Variants in RNF213 observed in about 807,000 individuals in gnomAD.
RNF213 encodes E3 ubiquitin-protein ligase RNF213.
In RNF213, 341 loss-of-function variants were observed where a neutral mutation model predicts 514.4. That is an observed-to-expected ratio of 0.66 (90% CI 0.61 to 0.73). The LOEUF (loss-of-function observed/expected upper bound fraction) is 0.73. Among genes scored for constraint, RNF213 ranks in the 30% least tolerant of loss-of-function variants. The probability of loss-of-function intolerance (pLI) is 0.00; values close to 1 mark genes in which losing one functional copy is unlikely to be tolerated. For synonymous variants in RNF213, 2,655 were observed against 2,658.2 expected (o/e 1.00, Z 0.04); for missense variants, 5,767 against 6,615.6 (o/e 0.87, Z 4.45).
At chr17:80,315,656 TG>T (rs1302178473) in intron 15 of RNF213, 1 of 144,734 alleles carries the variant, frequency 6.9e-6, no homozygotes, top group African/African-American at 2.8e-5. Flanking sequence ...ATGGAGGTGA[TG>T]GTGGTGGTAC....
chr17:80,366,005 C>A (rs1465317281), intron 42 of RNF213, among the ~76,000 whole-genome samples: 11 of 152,256 alleles, frequency 7.2e-5, no homozygotes, highest in Admixed American at 6.5e-4. Flanking sequence ...CCAGTCAGAT[C>A]TCTGTGCAGG....
At chr17:80,271,024 C>T (rs146573135) in intron 2 of RNF213, among the ~76,000 whole-genome samples, 7 of 152,212 alleles carry the variant, frequency 4.6e-5, no homozygotes, top group African/African-American at 1.4e-4. Context: ...CTGGTTGGCC[C>T]TTCCCTTAGT....
intron 17 of RNF213, chr17:80,320,694 A>G (rs532182534): frequency 2.6e-5 from 4 of 152,194 alleles, no homozygotes; most frequent in African/African-American, 9.6e-5. Flanking sequence ...CCGGCCGAGC[A>G]TAATGTTTTG....
chr17:80,362,097 G>A (rs983849824), intron 39 of RNF213, among the ~76,000 whole-genome samples: 2 of 152,172 alleles, frequency 1.3e-5, no homozygotes, highest in African/African-American at 2.4e-5. Context: ...CCGCCCAGGG[G>A]CTCCTAAAAC....
chr17:80,385,567 A>G lies in RNF213; in HGVS notation c.14485A>G (p.Ile4829Val), dbSNP rs756748119. The G allele has an allele frequency of 6.2e-7, 1 of 1,614,184 alleles. No homozygotes were observed. Among genetic ancestry groups the G allele is most frequent in the South Asian group, 1.1e-5 (1 of 91,080 alleles). ...DGLRQLLHNR[I>V]TVFLSTWNKL... ...GTTGAGGCAGCTGCTTCACAACAGGATCACAGTCTTTCTGTCCACATGGAA... is the reference window on the plus strand; with the variant it reads ...GTTGAGGCAGCTGCTTCACAACAGGGTCACAGTCTTTCTGTCCACATGGAA... The change falls in exon 61 of 68, where the codon ATC becomes GTC. Residue 4829 changes from isoleucine to valine, a missense_variant. Ile to Val is a conservative substitution (Grantham distance 29). Transcript: ENST00000582970.
rs1168995910 is a variant in RNF213 at position 80,298,441 on chromosome 17, C to T, written c.2133C>T (p.Ala711=). Residue 711 remains alanine (A), a synonymous_variant, in exon 11 of 68, where the codon GCC becomes GCT. Coordinates refer to ENST00000582970, the MANE Select transcript of RNF213 (RefSeq NM_001256071.3). ...CMELAPRHKD[A]WRQPEDTWAA... ...AGCTGGCCCCGCGGCACAAGGATGCCTGGAGACAGCCTGAGGACACCTGGG... is the reference window on the plus strand; with the variant it reads ...AGCTGGCCCCGCGGCACAAGGATGCTTGGAGACAGCCTGAGGACACCTGGG... The T allele has an allele frequency of 6.2e-7, 1 of 1,614,198 alleles. No homozygotes were observed. Among genetic ancestry groups the T allele is most frequent in the Non-Finnish European group, 8.5e-7 (1 of 1,180,042 alleles).
chr17:80,330,097 C>T (rs2046373285), intron 20 of RNF213, among the ~76,000 whole-genome samples: 1 of 152,108 alleles, frequency 6.6e-6, no homozygotes, highest in African/African-American at 2.4e-5. Context: ...GTTTTCATGT[C>T]AGCTTTCGTA....
intron 17 of RNF213, chr17:80,320,062 A>T: frequency 1.0e-6 from 1 of 993,216 alleles, no homozygotes; most frequent in Non-Finnish European, 1.2e-6. Flanking sequence ...ATCTGTCAAA[A>T]GTTCCAGTTC....
rs1187986575 is a variant in RNF213 at position 80,343,558 on chromosome 17, C to G, written c.6183+233C>G. Reference sequence around the variant, plus strand: ...ACGTAGAGCCCACTGCACACACAGGCTTTATGGTACACACTGTCGCTCCTA... The same window carrying G: ...ACGTAGAGCCCACTGCACACACAGGGTTTATGGTACACACTGTCGCTCCTA... On this transcript the variant is annotated intron_variant, in intron 27 of 67. Coordinates refer to ENST00000582970, the MANE Select transcript of RNF213 (RefSeq NM_001256071.3). This position sits in a 1 kb window ranked among gnomAD's most constrained non-coding sequence, Gnocchi z 4.3. Among the ~76,000 whole-genome samples the G allele has an allele frequency of 6.6e-6, 1 of 152,214 alleles. No individual in the cohort carries two copies. Among genetic ancestry groups the G allele is most frequent in the African/African-American group, 2.4e-5 (1 of 41,450 alleles).
In RNF213 at chr17:80,317,782, G is replaced by A. The variant is rs2045997270; in HGVS notation, c.2901+505G>A. On this transcript the variant is annotated intron_variant, in intron 16 of 67. Transcript: ENST00000582970. This position sits in a 1 kb window ranked among gnomAD's most constrained non-coding sequence, Gnocchi z 4.1. ...TGGACAGTAGTGTGTTATCAGCTCA[G>A]TGGGTCCCTTGCCTTGTTGCCTAGG... 6.6e-6 allele frequency among the ~76,000 whole-genome samples: 1 copy of A among 152,196 alleles called. No individual in the cohort carries two copies. Among genetic ancestry groups the A allele is most frequent in the Non-Finnish European group, 1.5e-5 (1 of 68,036 alleles).
Position 80,353,792 on chromosome 17 carries a change from C to T in RNF213, c.10578+126C>T. 2 of 1,341,304 alleles carry T rather than the reference C, an allele frequency of 1.5e-6. No homozygotes were observed. The highest frequency in any genetic ancestry group is 1.1e-6 in the Non-Finnish European group (1 of 942,302). The allele number at this position is 1,341,304 out of a possible 1,614,324, so 83.1% of individuals were successfully genotyped here. A position where few individuals can be genotyped will look rare whatever the true frequency, so the allele number is the denominator to read the frequency against. On this transcript the variant is annotated intron_variant, in intron 34 of 67. Coordinates refer to ENST00000582970, the MANE Select transcript of RNF213 (RefSeq NM_001256071.3). The surrounding 1 kb of genome is among the most constrained non-coding windows in gnomAD (Gnocchi z 5.0). ...CTGTGCAGGGGTGAGGATGGCGCCC[C>T]ACTTTCCTCACACAGTGACGGTCTT...
chr17:80,290,867 T>G (rs1405330491), intron 7 of RNF213, 139 bp downstream of exon 7: 1 of 979,138 alleles, frequency 1.0e-6, no homozygotes, highest in East Asian at 2.6e-5. Flanking sequence ...TGGAGTGTGG[T>G]GGCACCATCT....
chr17:80,385,413 T>C, intron 60 of RNF213, 125 bp from the exon 61 acceptor site: 1 of 945,430 alleles, frequency 1.1e-6, no homozygotes. Context: ...AAACAGCACC[T>C]CAGACATGCT....
chr17:80,290,610 G>C lies in RNF213; in HGVS notation c.1153G>C (p.Ala385Pro), dbSNP rs750565435. The change falls in exon 7 of 68, where the codon GCC (alanine) becomes CCC (proline). Residue 385 changes from alanine (A) to proline (P), a missense_variant. Physicochemically the swap from Ala to Pro is conservative, Grantham distance 27. Around this residue, in one of 13 missense-constraint regions of RNF213, gnomAD observed 509 missense variants for 496.7 expected, o/e 1.02. Transcript: ENST00000582970. ...PGGGVTVFFHAIISLHFPFNP... is the reference protein window; with the variant it reads ...PGGGVTVFFHPIISLHFPFNP... ...TGGAGGAGTCACCGTGTTCTTCCAC[G>C]CCATCATCTCTCTTCATTTCCCATT... 1 of 1,614,098 alleles carries C rather than the reference G, an allele frequency of 6.2e-7. No homozygotes were observed. Among genetic ancestry groups the C allele is most frequent in the African/African-American group, 1.3e-5 (1 of 75,034 alleles).
At chr17:80,283,564 C>CAT (rs561993090) in intron 3 of RNF213, among the ~76,000 whole-genome samples, 65 of 152,354 alleles carry the variant, frequency 4.3e-4, no homozygotes, top group African/African-American at 1.5e-3. Context: ...GCCCAACCTC[C>CAT]GTGTGCTGCT....
rs944746100 is a variant in RNF213, at chr17:80,307,343, G to C, written c.2501+142G>C. On this transcript the variant is annotated intron_variant, in intron 13 of 67. Transcript: ENST00000582970. The stretch of plus-strand genomic sequence containing the variant: ...ATATGTGGCCCACTTCTCTTCTCAG[G>C]TTATTAATATTGTCGTCTGTTTTTT... 5.9e-5 allele frequency: 34 copies of C among 577,372 alleles called. 1 individual carries two copies. The Admixed American group carries it at 1.0e-3, about 17-fold the overall frequency. 35.8% of individuals were successfully genotyped at this position (577,372 alleles called of 1,614,324 possible).
At chr17:80,328,239 G>A (rs1047348440) in intron 19 of RNF213, 89 bp from the exon 20 acceptor site, 11 of 1,404,216 alleles carry the variant, frequency 7.8e-6, no homozygotes, top group Admixed American at 4.9e-5. Flanking sequence ...TCCTGGTGGC[G>A]GGGAAGGTGC....
Position 80,345,715 on chromosome 17 carries a change from C to A in RNF213, c.7380C>A (p.Ile2460=). The A allele has an allele frequency of 6.2e-7, 1 of 1,614,240 alleles. No homozygotes were observed. The highest frequency in any genetic ancestry group is 8.5e-7 in the Non-Finnish European group (1 of 1,180,044). The change falls in exon 29 of 68, where the codon ATC becomes ATA. Residue 2460 remains isoleucine, a synonymous_variant. Coordinates refer to ENST00000582970, the MANE Select transcript of RNF213 (RefSeq NM_001256071.3). The surrounding 1 kb of genome is among the most constrained non-coding windows in gnomAD (Gnocchi z 6.0). ...KVHGGTTADM[I]YSRVREAENV... ...ACGGAGGAACAACTGCAGACATGAT[C>A]TACTCCAGAGTCAGGGAGGCTGAAA...
chr17:80,369,196 C>A (rs1367472470), intron 44 of RNF213, among the ~76,000 whole-genome samples: 2 of 151,812 alleles, frequency 1.3e-5, no homozygotes, highest in African/African-American at 4.8e-5. Flanking sequence ...GTCAGCAGTT[C>A]GAAACCAGCC....
Sources: gnomAD v4.1 joint callset for allele counts (sites outside exome capture counted in the v4.1 genomes callset) on GRCh38, gnomAD v4.1.1 for gene constraint, gnomAD v4.1.1 regional missense constraint, Gnocchi (gnomAD v3.1) non-coding constraint, MANE v1.5 for transcripts, NCBI Gene and HGNC (gene_info 2026-07-23, HGNC 2026-07-21) for gene names.